SYNPR: variants seen among roughly 807,000 people sequenced by gnomAD.
SYNPR encodes the protein synaptoporin.
SYNPR carries 23 observed loss-of-function variants against 32.9 expected under a neutral mutation model. The ratio of observed to expected loss-of-function variants is 0.70; its 90% CI spans 0.50 to 0.99. SYNPR has a LOEUF of 0.99. Ranked by LOEUF, SYNPR falls within the 50% of genes least tolerant of loss-of-function variation. SYNPR has a pLI of 0.00. For synonymous variants in SYNPR, 146 were observed against 135.9 expected (o/e 1.07, Z -0.52); for missense variants, 318 against 349.3 (o/e 0.91, Z 0.71).
At chr3:63,313,758 C>CAT (rs1217604395) in intron 2 of SYNPR, among the ~76,000 whole-genome samples, 1 of 9,078 alleles carries the variant, frequency 1.1e-4, no homozygotes. Context: ...TATATATATC[C>CAT]ATATATATAT....
At chr3:63,334,322 C>T (rs1445910771) in intron 2 of SYNPR, among the ~76,000 whole-genome samples, 1 of 152,162 alleles carries the variant, frequency 6.6e-6, no homozygotes, top group Non-Finnish European at 1.5e-5. Context: ...GCAAGTGGCC[C>T]ACCTGGAGAG....
intron 1 of SYNPR, among the ~76,000 whole-genome samples, chr3:63,242,415 G>A (rs1194417270): frequency 1.3e-5 from 2 of 152,036 alleles, no homozygotes; most frequent in Non-Finnish European, 2.9e-5. Context: ...CGACCAGCTA[G>A]GGGAAGCAGC....
intron 2 of SYNPR, among the ~76,000 whole-genome samples, chr3:63,391,665 A>C (rs1388498503): frequency 2.0e-5 from 3 of 152,148 alleles, no homozygotes; most frequent in Non-Finnish European, 4.4e-5. Context: ...TGACAACCCT[A>C]TAAGATTGGC....
chr3:63,304,044 G>A (rs1210263267), intron 2 of SYNPR, among the ~76,000 whole-genome samples: 1 of 152,010 alleles, frequency 6.6e-6, no homozygotes, highest in Non-Finnish European at 1.5e-5. Context: ...ATTCTCCTAT[G>A]AGTGCTTTTG....
At chr3:63,469,924 G>A (rs1481994788) in intron 2 of SYNPR, among the ~76,000 whole-genome samples, 1 of 139,096 alleles carries the variant, frequency 7.2e-6, no homozygotes, top group Admixed American at 6.8e-5. Context: ...TCATCCAAAC[G>A]AAAGTGAAAA....
At chr3:63,448,150 T>C (rs1396299813) in intron 2 of SYNPR, among the ~76,000 whole-genome samples, 2 of 152,146 alleles carry the variant, frequency 1.3e-5, no homozygotes, top group Non-Finnish European at 2.9e-5. Flanking sequence ...ACTACAGGCA[T>C]GTGCCACCAT....
At chr3:63,222,993 C>T in the SYNPR span, among the ~76,000 whole-genome samples, 13 of 152,268 alleles carry the variant, frequency 8.5e-5, no homozygotes, top group African/African-American at 2.9e-4. Flanking sequence ...GTAGATCAGG[C>T]ACTCTCCCAG....
chr3:63,479,446 G>GCGCACACACACACACACA (rs6147854), intron 2 of SYNPR, among the ~76,000 whole-genome samples: 1 of 135,742 alleles, frequency 7.4e-6, no homozygotes, highest in Non-Finnish European at 1.6e-5. Flanking sequence ...CCACACACAT[G>GCGCACACACACACACACA]CACACACACA....
At chr3:63,275,703 A>G (rs2086568868), upstream of SYNPR, among the ~76,000 whole-genome samples, 1 of 152,246 alleles carries the variant, frequency 6.6e-6, no homozygotes, top group Admixed American at 6.5e-5. Context: ...TGGATATACT[A>G]TCTAGAAAAG....
chr3:63,267,535 A>C (rs1401496195), intron 3 of SYNPR: 1 of 152,214 alleles, frequency 6.6e-6, no homozygotes, highest in Non-Finnish European at 1.5e-5. Context: ...GAGCCAATTT[A>C]TGACAGTGTC....
rs1400350561 is a variant in SYNPR, at chr3:63,561,684, T to C, written c.408+4943T>C. On this transcript the variant is annotated intron_variant, in intron 4 of 5. Coordinates refer to ENST00000478300, the MANE Select transcript of SYNPR (RefSeq NM_001130003.2). ...CTGTCGTACTAGAACTACTAGAGGGTTCTGCTTCTAAGTGCCATTTATCTG... is the reference window on the plus strand; with the variant it reads ...CTGTCGTACTAGAACTACTAGAGGGCTCTGCTTCTAAGTGCCATTTATCTG... 2.0e-5 allele frequency among the ~76,000 whole-genome samples: 3 copies of C among 152,214 alleles called. No homozygotes were observed. The East Asian group carries it at 5.8e-4, about 29-fold the overall frequency.
At chr3:63,525,057 C>A (rs755613327) in intron 3 of SYNPR, among the ~76,000 whole-genome samples, 2 of 151,804 alleles carry the variant, frequency 1.3e-5, no homozygotes, top group Admixed American at 6.6e-5. Flanking sequence ...CTAAATGCAC[C>A]CTGGGAATAC....
chr3:63,381,987 T>C (rs2087976626), intron 2 of SYNPR, among the ~76,000 whole-genome samples: 1 of 152,222 alleles, frequency 6.6e-6, no homozygotes. Flanking sequence ...TACAGAAAAC[T>C]TACCTCCTGC....
chr3:63,450,891 T>A (rs554615191), intron 2 of SYNPR, among the ~76,000 whole-genome samples: 3 of 152,256 alleles, frequency 2.0e-5, no homozygotes, highest in African/African-American at 7.2e-5. Context: ...CTTGGCACAT[T>A]TGCCAAGATA....
At chr3:63,220,520 G>T in the SYNPR span, among the ~76,000 whole-genome samples, 25 of 152,240 alleles carry the variant, frequency 1.6e-4, no homozygotes, top group Middle Eastern at 3.4e-3. Flanking sequence ...CACTGTAGGG[G>T]TGTGTAAAAG....
At chr3:63,601,745 AG>A (rs1402518815) in intron 4 of SYNPR, among the ~76,000 whole-genome samples, 1 of 151,574 alleles carries the variant, frequency 6.6e-6, no homozygotes, top group Non-Finnish European at 1.5e-5. Flanking sequence ...TAGCTAGTGT[AG>A]GTTGATTCCA....
intron 4 of SYNPR, among the ~76,000 whole-genome samples, chr3:63,608,544 T>C (rs1237716196): frequency 1.3e-5 from 2 of 152,220 alleles, no homozygotes; most frequent in Admixed American, 6.5e-5. Context: ...GGTTAACATA[T>C]TGGTTAACCA....
At chr3:63,284,502 T>G (rs2086661533) in intron 2 of SYNPR, among the ~76,000 whole-genome samples, 1 of 152,188 alleles carries the variant, frequency 6.6e-6, no homozygotes, top group African/African-American at 2.4e-5. Flanking sequence ...AACCCTGGGT[T>G]TCACATCACC....
chr3:63,256,725 CTT>C (rs1445475945), intron 2 of SYNPR, among the ~76,000 whole-genome samples: 1 of 152,140 alleles, frequency 6.6e-6, no homozygotes, highest in Non-Finnish European at 1.5e-5. Context: ...CAGAGAATGA[CTT>C]TGACGAGTTG....
Sources: gnomAD v4.1 joint callset for allele counts (sites outside exome capture counted in the v4.1 genomes callset) on GRCh38, gnomAD v4.1.1 for gene constraint, MANE v1.5 for transcripts, NCBI Gene and HGNC (gene_info 2026-07-23, HGNC 2026-07-21) for gene names.